SEC61G: variants seen among roughly 807,000 people sequenced by gnomAD.
SEC61G encodes protein transport protein Sec61 subunit gamma.
SEC61G carries 4 observed loss-of-function variants against 7.5 expected under a neutral mutation model. That is an observed-to-expected ratio of 0.54 (90% CI 0.26 to 1.22). SEC61G has a LOEUF of 1.22. Ranked by LOEUF, SEC61G falls within the 50% of genes most tolerant of loss-of-function variation. The pLI is 0.12. For synonymous variants in SEC61G, 24 were observed against 24.4 expected (o/e 0.98, Z 0.05); for missense variants, 53 against 84.6 (o/e 0.63, Z 1.46).
chr7:54,754,599 T>C (rs1302368315), intron 3 of SEC61G, among the ~76,000 whole-genome samples: 2 of 152,214 alleles, frequency 1.3e-5, no homozygotes, highest in African/African-American at 4.8e-5. Flanking sequence ...TATGGTAACC[T>C]ACTTCAGAAA....
In SEC61G at chr7:54,755,865, G is replaced by T; in HGVS notation, c.111C>A (p.Ala37=). Residue 37 remains alanine, a synonymous_variant, in exon 3 of 4, where the codon GCC becomes GCA. Coordinates refer to ENST00000352861, the MANE Select transcript of SEC61G (RefSeq NM_014302.4). The part of the protein sequence containing the change: ...KPDRKEFQKI[A]MATAIGFAIM... ...TAGCAAATCCTATTGCTGTTGCCAT[G>T]GCAATCTTCTGGAATTCTGCATTTA... The T allele has an allele frequency of 2.5e-6, 4 of 1,577,292 alleles. No individual in the cohort carries two copies. Among genetic ancestry groups the T allele is most frequent in the Non-Finnish European group, 3.4e-6 (4 of 1,159,760 alleles).
chr7:54,753,161 G>T (rs566154147), intron 3 of SEC61G, among the ~76,000 whole-genome samples: 7 of 151,938 alleles, frequency 4.6e-5, no homozygotes, highest in African/African-American at 1.4e-4. Flanking sequence ...GGCATGGTGG[G>T]GTGCAACTGT....
chr7:54,754,089 C>T (rs2709284), intron 3 of SEC61G, among the ~76,000 whole-genome samples: 44,361 of 151,892 alleles, frequency 0.29, 7,306 homozygotes, highest in African/African-American at 0.46. Context: ...TATGAAAAGA[C>T]GGACCTGAGT....
intron 3 of SEC61G, among the ~76,000 whole-genome samples, chr7:54,754,298 C>T (rs1791466797): frequency 6.6e-6 from 1 of 152,166 alleles, no homozygotes; most frequent in African/African-American, 2.4e-5. Context: ...TTTAAAGAAA[C>T]ACTTCCTATC....
At chr7:54,758,388 C>A (rs1466275754) in intron 1 of SEC61G, among the ~76,000 whole-genome samples, 1 of 152,150 alleles carries the variant, frequency 6.6e-6, no homozygotes, top group East Asian at 1.9e-4. Context: ...ATTTCCAGTA[C>A]TCAGAACAGT....
chr7:54,759,104 C>T, intron 1 of SEC61G, 54 bp downstream of exon 1: 1 of 495,022 alleles, frequency 2.0e-6, no homozygotes, highest in Non-Finnish European at 4.1e-6. Context: ...CCCCAAGAGT[C>T]GCAAAGGTGT....
intron 2 of SEC61G, among the ~76,000 whole-genome samples, chr7:54,756,582 G>A (rs1402803920): frequency 2.0e-5 from 3 of 152,180 alleles, no homozygotes; most frequent in African/African-American, 4.8e-5. Flanking sequence ...GAACCCAGGA[G>A]GCGGAGGTTG....
chr7:54,755,757 C>A (rs749747437), intron 3 of SEC61G, 22 bp downstream of exon 3: 1 of 1,315,672 alleles, frequency 7.6e-7, no homozygotes, highest in South Asian at 1.3e-5. Flanking sequence ...CAATCCTAGT[C>A]TATTTCATAA....
chr7:54,754,101 T>G (rs755673042), intron 3 of SEC61G, among the ~76,000 whole-genome samples: 30 of 152,186 alleles, frequency 2.0e-4, no homozygotes, highest in Non-Finnish European at 3.5e-4. Context: ...GACCTGAGTA[T>G]GACCCAAGGC....
chr7:54,756,702 T>A (rs766850980), intron 2 of SEC61G, among the ~76,000 whole-genome samples: 8 of 152,154 alleles, frequency 5.3e-5, no homozygotes, highest in Non-Finnish European at 1.0e-4. Flanking sequence ...TGTCATTTTA[T>A]GTTACTTCCT....
intron 3 of SEC61G, chr7:54,754,778 A>G (rs183239301): frequency 6.6e-6 from 1 of 152,304 alleles, no homozygotes; most frequent in Admixed American, 6.5e-5. Context: ...TGATTTCAAT[A>G]CCATATGGAA....
chr7:54,756,968 T>A (rs1791530420), intron 2 of SEC61G, among the ~76,000 whole-genome samples: 1 of 99,382 alleles, frequency 1.0e-5, no homozygotes, highest in African/African-American at 2.8e-5. Context: ...CTATATACTA[T>A]ATATACTATA....
Position 54,752,329 on chromosome 7 carries a change from C to T in SEC61G, c.*82G>A, listed in dbSNP as rs1791430027. 2 of 916,308 alleles carry T rather than the reference C, an allele frequency of 2.2e-6. No individual in the cohort carries two copies. Among genetic ancestry groups the T allele is most frequent in the African/African-American group, 1.7e-5 (1 of 58,262 alleles). 56.8% of individuals were successfully genotyped at this position (916,308 alleles called of 1,614,324 possible). A position where few individuals can be genotyped will look rare whatever the true frequency, so the allele number is the denominator to read the frequency against. ...AAAAAAAACCCACAAAACATACAGG[C>T]AAATTTGTATTCTGTGAGTTTCTCA... On this transcript the variant is annotated 3_prime_UTR_variant, in exon 4 of 4. Coordinates refer to ENST00000352861, the MANE Select transcript of SEC61G (RefSeq NM_014302.4).
chr7:54,754,564 T>G (rs1425351911), intron 3 of SEC61G, among the ~76,000 whole-genome samples: 16 of 152,202 alleles, frequency 1.1e-4, no homozygotes, highest in Non-Finnish European at 1.5e-5. Context: ...TGAATATCAC[T>G]TTGTGGCACT....
chr7:54,755,980 T>C (rs557414672), intron 2 of SEC61G, 99 bp from the exon 3 acceptor site: 1 of 561,852 alleles, frequency 1.8e-6, no homozygotes. Flanking sequence ...CTAGTATACA[T>C]TTCTCCTGTT....
At position 54,752,326 on chromosome 7, in the gene SEC61G, A is replaced by C; in HGVS notation, c.*85T>G. Reference sequence around the variant, plus strand: ...AAAAAAAAAAACCCACAAAACATACAGGCAAATTTGTATTCTGTGAGTTTC... The same window carrying C: ...AAAAAAAAAAACCCACAAAACATACCGGCAAATTTGTATTCTGTGAGTTTC... On this transcript the variant is annotated 3_prime_UTR_variant, in exon 4 of 4. Transcript: ENST00000352861. 1.1e-6 allele frequency: 1 copy of C among 869,582 alleles called. No individual in the cohort carries two copies. Among genetic ancestry groups the C allele is most frequent in the Non-Finnish European group, 1.7e-6 (1 of 572,250 alleles). 53.9% of individuals were successfully genotyped at this position (869,582 alleles called of 1,614,324 possible).
At chr7:54,757,951 A>T (rs1031574483) in intron 1 of SEC61G, among the ~76,000 whole-genome samples, 2 of 152,116 alleles carry the variant, frequency 1.3e-5, no homozygotes. Flanking sequence ...TCCATTTCTC[A>T]TTCTACAGTC....
At chr7:54,756,196 T>C (rs1002578709) in intron 2 of SEC61G, among the ~76,000 whole-genome samples, 3 of 152,208 alleles carry the variant, frequency 2.0e-5, no homozygotes, top group South Asian at 4.1e-4. Flanking sequence ...AAAAAGGTCA[T>C]GGATGAAAGA....
chr7:54,752,527 T>C (rs1791435403), intron 3 of SEC61G, 107 bp from the exon 4 acceptor site: 2 of 585,208 alleles, frequency 3.4e-6, no homozygotes, highest in African/African-American at 1.9e-5. Flanking sequence ...AGACCAATTA[T>C]GTGAATCCCA....
Sources: gnomAD v4.1 joint callset for allele counts (sites outside exome capture counted in the v4.1 genomes callset) on GRCh38, gnomAD v4.1.1 for gene constraint, MANE v1.5 for transcripts, NCBI Gene and HGNC (gene_info 2026-07-23, HGNC 2026-07-21) for gene names.